The following USH2A variants were observed in gnomAD, a reference collection of about 807,000 sequenced individuals.
USH2A encodes usherin.
In USH2A, 443 loss-of-function variants were observed where a neutral mutation model predicts 538.9. The observed-to-expected ratio is 0.82, with a 90% CI of 0.76 to 0.89. USH2A has a LOEUF of 0.89. Ranked by LOEUF, USH2A falls within the 40% of genes least tolerant of loss-of-function variation. The pLI is 0.00. For synonymous variants in USH2A, 2,413 were observed against 2,273.5 expected (o/e 1.06, Z -1.75); for missense variants, 6,633 against 6,324.8 (o/e 1.05, Z -1.65).
At chr1:216,315,262 C>A (rs2037485335) in intron 9 of USH2A, among the ~76,000 whole-genome samples, 1 of 152,046 alleles carries the variant, frequency 6.6e-6, no homozygotes, top group East Asian at 1.9e-4. Flanking sequence ...GCCAGAGATA[C>A]CATGTTGCAG....
At chr1:216,316,289 TTTTTATTTTTATAAAGGGGTA>T (rs1343120926) in intron 9 of USH2A, among the ~76,000 whole-genome samples, 1 of 152,158 alleles carries the variant, frequency 6.6e-6, no homozygotes, top group Non-Finnish European at 1.5e-5. Context: ...TATTTGTGAG[TTTTTATTTTTATAAAGGGGTA>T]AAAGAAATAG....
intron 13 of USH2A, among the ~76,000 whole-genome samples, chr1:216,239,191 A>G (rs1258615765): frequency 6.6e-6 from 1 of 152,184 alleles, no homozygotes; most frequent in Non-Finnish European, 1.5e-5. Context: ...CCCAAAGCAC[A>G]CATTGCTCTT....
chr1:215,802,148 A>G (rs1266759622), intron 49 of USH2A, among the ~76,000 whole-genome samples: 1 of 152,074 alleles, frequency 6.6e-6, no homozygotes, highest in African/African-American at 2.4e-5. Context: ...CTAGATGTAA[A>G]AGCTAAAACT....
chr1:215,659,444 C>T (rs1657374421), intron 64 of USH2A, among the ~76,000 whole-genome samples: 1 of 152,112 alleles, frequency 6.6e-6, no homozygotes, highest in African/African-American at 2.4e-5. Flanking sequence ...GAGGAGTTTG[C>T]ATCTTATGGA....
At chr1:215,731,011 C>T (rs1659979321) in intron 60 of USH2A, among the ~76,000 whole-genome samples, 1 of 152,164 alleles carries the variant, frequency 6.6e-6, no homozygotes, top group African/African-American at 2.4e-5. Flanking sequence ...GCAAACAAAC[C>T]TATGATGGTC....
At chr1:215,879,162 G>T in intron 41 of USH2A, 64 bp from the exon 42 acceptor site, 1 of 1,447,236 alleles carries the variant, frequency 6.9e-7, no homozygotes. Flanking sequence ...TGAAGTTCAC[G>T]AGGCCTAGAA....
intron 3 of USH2A, among the ~76,000 whole-genome samples, chr1:216,414,759 A>G (rs957365066): frequency 2.0e-5 from 3 of 152,070 alleles, no homozygotes; most frequent in African/African-American, 7.2e-5. Context: ...ATATAAATTC[A>G]TCAATTTGTG....
At chr1:215,853,011 G>T (rs1174321042) in intron 44 of USH2A, among the ~76,000 whole-genome samples, 1 of 152,196 alleles carries the variant, frequency 6.6e-6, no homozygotes, top group Non-Finnish European at 1.5e-5. Context: ...TCTTACAGTA[G>T]CACTAGGCAG....
At chr1:216,019,228 G>T (rs1389946673) in intron 32 of USH2A, among the ~76,000 whole-genome samples, 1 of 152,098 alleles carries the variant, frequency 6.6e-6, no homozygotes, top group African/African-American at 2.4e-5. Flanking sequence ...ATTCTGGATG[G>T]GAAGAGTTGG....
chr1:216,304,019 C>T (rs2102626493), intron 9 of USH2A, among the ~76,000 whole-genome samples: 1 of 151,960 alleles, frequency 6.6e-6, no homozygotes, highest in East Asian at 1.9e-4. Context: ...ATAGGTGATA[C>T]ATTCCTGATA....
At chr1:216,092,227 G>C (rs923500641) in intron 22 of USH2A, among the ~76,000 whole-genome samples, 1 of 152,100 alleles carries the variant, frequency 6.6e-6, no homozygotes, top group Non-Finnish European at 1.5e-5. Context: ...ATGTTCCAAA[G>C]ACTGTTCTAA....
At chr1:216,364,863 G>T in intron 4 of USH2A, 90 bp downstream of exon 4, 2 of 1,516,946 alleles carry the variant, frequency 1.3e-6, no homozygotes, top group Non-Finnish European at 1.8e-6. Context: ...ATGAATACAC[G>T]TAGATATTTT....
intron 13 of USH2A, among the ~76,000 whole-genome samples, chr1:216,242,007 T>A (rs1279404568): frequency 6.6e-6 from 1 of 152,148 alleles, no homozygotes; most frequent in Non-Finnish European, 1.5e-5. Context: ...TTTATTTACT[T>A]GTGCAAATGT....
chr1:215,812,819 T>TA (rs1383777674), intron 49 of USH2A, among the ~76,000 whole-genome samples: 3 of 152,190 alleles, frequency 2.0e-5, no homozygotes, highest in African/African-American at 4.8e-5. Flanking sequence ...ATAGTCCTTT[T>TA]AAAAAAATTG....
intron 70 of USH2A, chr1:215,630,162 A>G (rs1656216908): frequency 2.0e-6 from 1 of 509,070 alleles, no homozygotes; most frequent in East Asian, 5.6e-5. Context: ...GCAAAAGATC[A>G]TGCATTCATG....
At chr1:216,188,110 G>T (rs1262920696) in intron 20 of USH2A, among the ~76,000 whole-genome samples, 1 of 151,914 alleles carries the variant, frequency 6.6e-6, no homozygotes, top group Non-Finnish European at 1.5e-5. Context: ...AATCCTGCCA[G>T]TGGACAGGAG....
chr1:216,018,448 T>C (rs181250707), intron 32 of USH2A, among the ~76,000 whole-genome samples: 239 of 152,242 alleles, frequency 1.6e-3, no homozygotes, highest in Non-Finnish European at 2.2e-3. Flanking sequence ...ATCTGAACCC[T>C]TGCAAGCACA....
intron 61 of USH2A, among the ~76,000 whole-genome samples, chr1:215,698,783 C>T (rs1460876282): frequency 6.6e-6 from 1 of 152,154 alleles, no homozygotes; most frequent in African/African-American, 2.4e-5. Flanking sequence ...TGCCTTTTCA[C>T]TCTGATGATA....
At chr1:215,942,963 G>A (rs1666672669) in intron 37 of USH2A, among the ~76,000 whole-genome samples, 1 of 152,134 alleles carries the variant, frequency 6.6e-6, no homozygotes, top group Non-Finnish European at 1.5e-5. Context: ...CTATATAATA[G>A]GATCTCAGAG....
Sources: gnomAD v4.1 joint callset for allele counts (sites outside exome capture counted in the v4.1 genomes callset) on GRCh38, gnomAD v4.1.1 for gene constraint, MANE v1.5 for transcripts, NCBI Gene and HGNC (gene_info 2026-07-23, HGNC 2026-07-21) for gene names.